CACNA2D3: variants seen among roughly 807,000 people sequenced by gnomAD.
CACNA2D3 encodes the protein voltage-dependent calcium channel subunit alpha-2/delta-3.
Under a neutral mutation model 160.6 loss-of-function variants are expected in CACNA2D3, and 60 were observed. That is an observed-to-expected ratio of 0.37 (90% CI 0.30 to 0.46). CACNA2D3 has a LOEUF of 0.46. Ranked by LOEUF, CACNA2D3 falls within the 20% of genes least tolerant of loss-of-function variation. The pLI is 1.00. For synonymous variants in CACNA2D3, 558 were observed against 492.9 expected (o/e 1.13, Z -1.75); for missense variants, 1,205 against 1,365.0 (o/e 0.88, Z 1.85).
chr3:54,154,878 G>A (rs1413190959), intron 2 of CACNA2D3, among the ~76,000 whole-genome samples: 1 of 151,948 alleles, frequency 6.6e-6, no homozygotes, highest in Non-Finnish European at 1.5e-5. Context: ...CTACGTTTCA[G>A]TCATTTGGTT....
chr3:55,070,460 A>G (rs1704777231), intron 35 of CACNA2D3, among the ~76,000 whole-genome samples: 1 of 152,342 alleles, frequency 6.6e-6, no homozygotes, highest in African/African-American at 2.4e-5. Flanking sequence ...GAGATGTGAC[A>G]GCATGTTTGC....
intron 11 of CACNA2D3, among the ~76,000 whole-genome samples, chr3:54,678,459 A>T (rs1378648026): frequency 6.6e-6 from 1 of 152,150 alleles, no homozygotes; most frequent in Non-Finnish European, 1.5e-5. Context: ...GCGGTGGCTC[A>T]CGCCTGTAAT....
chr3:55,055,306 A>G (rs1022302056), intron 35 of CACNA2D3, among the ~76,000 whole-genome samples: 9 of 152,110 alleles, frequency 5.9e-5, no homozygotes, highest in Admixed American at 2.6e-4. Context: ...CCATGTGTTG[A>G]AGAGACTGTC....
chr3:54,472,375 T>G (rs1700749468), intron 4 of CACNA2D3, among the ~76,000 whole-genome samples: 1 of 152,192 alleles, frequency 6.6e-6, no homozygotes, highest in African/African-American at 2.4e-5. Context: ...TTCAATAAAC[T>G]AGGTGTTGAT....
intron 27 of CACNA2D3, among the ~76,000 whole-genome samples, chr3:54,920,578 T>C (rs1478828303): frequency 6.6e-6 from 1 of 152,166 alleles, no homozygotes; most frequent in Non-Finnish European, 1.5e-5. Flanking sequence ...CAAAGTGCCA[T>C]TGAGATTAAG....
intron 35 of CACNA2D3, among the ~76,000 whole-genome samples, chr3:55,027,036 A>G (rs755872243): frequency 6.6e-6 from 1 of 152,150 alleles, no homozygotes; most frequent in Non-Finnish European, 1.5e-5. Flanking sequence ...CAGAGCAAAC[A>G]ACTCACTTGT....
At chr3:54,658,461 C>T (rs1313541876) in intron 11 of CACNA2D3, among the ~76,000 whole-genome samples, 4 of 152,154 alleles carry the variant, frequency 2.6e-5, no homozygotes, top group African/African-American at 9.7e-5. Flanking sequence ...ACCTGTTGAC[C>T]ATTTGTATAT....
chr3:54,980,218 A>C (rs553936467), intron 29 of CACNA2D3, among the ~76,000 whole-genome samples: 1 of 152,336 alleles, frequency 6.6e-6, no homozygotes, highest in Admixed American at 6.5e-5. Context: ...TTTGACCACG[A>C]GGTAAGATTT....
intron 4 of CACNA2D3, among the ~76,000 whole-genome samples, chr3:54,480,169 C>A (rs1187217608): frequency 6.6e-6 from 1 of 152,018 alleles, no homozygotes; most frequent in African/African-American, 2.4e-5. Context: ...CATAGTGAGA[C>A]CCTGTCTCTA....
At chr3:54,477,570 G>A (rs1700852003) in intron 4 of CACNA2D3, among the ~76,000 whole-genome samples, 1 of 152,018 alleles carries the variant, frequency 6.6e-6, no homozygotes, top group South Asian at 2.1e-4. Context: ...ATCATTCCCA[G>A]AGTTTTCTCC....
intron 14 of CACNA2D3, among the ~76,000 whole-genome samples, chr3:54,835,925 A>T (rs1234428457): frequency 6.6e-6 from 1 of 152,192 alleles, no homozygotes; most frequent in African/African-American, 2.4e-5. Context: ...TTTTGTCTTC[A>T]TGGCAACAGT....
chr3:55,043,958 A>T (rs1704017398), intron 35 of CACNA2D3, among the ~76,000 whole-genome samples: 1 of 151,938 alleles, frequency 6.6e-6, no homozygotes, highest in Non-Finnish European at 1.5e-5. Flanking sequence ...ACACATTTTA[A>T]TTTATCTATG....
chr3:54,502,803 A>G (rs1701314574), intron 4 of CACNA2D3, among the ~76,000 whole-genome samples: 1 of 152,248 alleles, frequency 6.6e-6, no homozygotes, highest in Non-Finnish European at 1.5e-5. Context: ...AGATGAGTTA[A>G]CACATGAAAA....
Position 55,073,420 on chromosome 3 carries a change from GCCTCGCTA to G in CACNA2D3, c.2988-20_2988-13del. 1.3e-6 allele frequency: 2 copies of G among 1,555,656 alleles called. No homozygotes were observed. The highest frequency in any genetic ancestry group is 1.8e-6 in the Non-Finnish European group (2 of 1,126,970). ...TTTAATTGACGGATGGTAAATGACT[GCCTCGCTA>G]CCTCTTGTTCCAACAGGTCCTTTGT... On this transcript the variant is annotated splice_polypyrimidine_tract_variant and intron_variant, in intron 35 of 37. Coordinates refer to ENST00000474759, the MANE Select transcript of CACNA2D3 (RefSeq NM_018398.3).
chr3:54,691,495 G>A (rs896885601), intron 11 of CACNA2D3, among the ~76,000 whole-genome samples: 8 of 152,212 alleles, frequency 5.3e-5, no homozygotes, highest in African/African-American at 1.9e-4. Context: ...AAAGAGAGGG[G>A]CAGTGATGGA....
intron 27 of CACNA2D3, among the ~76,000 whole-genome samples, chr3:54,920,263 A>G (rs77272954): frequency 6.2e-4 from 95 of 152,336 alleles, no homozygotes; most frequent in African/African-American, 2.1e-3. Flanking sequence ...GCTTACTACA[A>G]GATAAGTCAT....
chr3:54,280,127 G>C (rs1702839382), intron 2 of CACNA2D3, among the ~76,000 whole-genome samples: 2 of 151,896 alleles, frequency 1.3e-5, no homozygotes, highest in African/African-American at 2.4e-5. Flanking sequence ...TGTTGCCCAG[G>C]CTGGAGTGCA....
At chr3:55,066,601 A>ACT (rs1172557515) in intron 35 of CACNA2D3, among the ~76,000 whole-genome samples, 1 of 151,812 alleles carries the variant, frequency 6.6e-6, no homozygotes, top group Non-Finnish European at 1.5e-5. Flanking sequence ...TGCGGCAAAT[A>ACT]CTCTGTCTTG....
intron 2 of CACNA2D3, among the ~76,000 whole-genome samples, chr3:54,206,857 TTAACA>T (rs1416032755): frequency 1.3e-5 from 2 of 152,222 alleles, no homozygotes; most frequent in African/African-American, 4.8e-5. Context: ...TTTCAGGAAC[TTAACA>T]TAATACATAA....
Sources: gnomAD v4.1 joint callset for allele counts (sites outside exome capture counted in the v4.1 genomes callset) on GRCh38, gnomAD v4.1.1 for gene constraint, MANE v1.5 for transcripts, NCBI Gene and HGNC (gene_info 2026-07-23, HGNC 2026-07-21) for gene names.